Variants in HECTD4 observed in about 807,000 individuals in gnomAD.
HECTD4 encodes HECT domain E3 ubiquitin protein ligase 4.
In HECTD4, 114 loss-of-function variants were observed where a neutral mutation model predicts 471.5. The ratio of observed to expected loss-of-function variants is 0.24; its 90% CI spans 0.21 to 0.28. The LOEUF (loss-of-function observed/expected upper bound fraction) is 0.28. Ranked by LOEUF, HECTD4 falls within the 10% of genes least tolerant of loss-of-function variation. The pLI is 1.00. For missense variants in HECTD4, 3,866 were observed against 5,651.5 expected (o/e 0.68, Z 10.13); for synonymous variants, 2,012 against 2,256.0 (o/e 0.89, Z 3.07).
At chr12:112,200,844 T>C (rs767672917) in intron 54 of HECTD4, 46 bp from the exon 55 acceptor site, 49 of 1,585,912 alleles carry the variant, frequency 3.1e-5, no homozygotes, top group Non-Finnish European at 4.0e-5. Flanking sequence ...TTGCTTTTGT[T>C]TTCCATGTGT....
chr12:112,170,985 A>T, intron 68 of HECTD4, 132 bp downstream of exon 68: 1 of 677,158 alleles, frequency 1.5e-6, no homozygotes, highest in Non-Finnish European at 2.4e-6. Flanking sequence ...CCTGCCTGCT[A>T]CATGAAAGGT....
In HECTD4 at chr12:112,236,885, C is replaced by A. The variant is rs560351692; in HGVS notation, c.5444+60G>T. 6.3e-5 allele frequency: 90 copies of A among 1,425,490 alleles called. No homozygotes were observed. The South Asian group carries it at 1.4e-3, about 22-fold the overall frequency. 88.3% of individuals were successfully genotyped at this position (1,425,490 alleles called of 1,614,324 possible). A position where few individuals can be genotyped will look rare whatever the true frequency, so the allele number is the denominator to read the frequency against. ...AAAAGACAACCACCACCAAAAGAAA[C>A]CCCAATCGTTCAAGAGGAAAGCCAG... On this transcript the variant is annotated intron_variant, in intron 35 of 75. Coordinates refer to ENST00000682272, the MANE Select transcript of HECTD4 (RefSeq NM_001388303.1).
At chr12:112,268,720 C>G (rs990942146) in intron 13 of HECTD4, among the ~76,000 whole-genome samples, 2 of 150,356 alleles carry the variant, frequency 1.3e-5, no homozygotes, top group Admixed American at 6.6e-5. Flanking sequence ...CACACCACTG[C>G]ACTCGAGCCT....
Position 112,235,236 on chromosome 12 carries a change from G to A in HECTD4, c.5756C>T (p.Ser1919Phe), listed in dbSNP as rs1288634841. 3 of 1,613,952 alleles carry A rather than the reference G, an allele frequency of 1.9e-6. No homozygotes were observed. The highest frequency in any genetic ancestry group is 2.2e-5 in the East Asian group (1 of 44,884). ...TTTTGTCAATGTGGTGTCAGGTTCA[G>A]AAGCGGTTGGAGAAAGAACTGTCTG... is the stretch of plus-strand genomic sequence containing the variant. ...GCQTVLSPTA[S>F]EPDTTLTKTS... Residue 1919 changes from serine to phenylalanine, a missense_variant, in exon 37 of 76, where the codon TCT becomes TTT. Coordinates refer to ENST00000682272, the MANE Select transcript of HECTD4 (RefSeq NM_001388303.1). This position sits in a 1 kb window ranked among gnomAD's most constrained non-coding sequence, Gnocchi z 5.0.
chr12:112,217,297 GCATA>G, intron 45 of HECTD4, 102 bp from the exon 46 acceptor site: 1 of 698,602 alleles, frequency 1.4e-6, no homozygotes, highest in Non-Finnish European at 2.2e-6. Context: ...TAAAATATAG[GCATA>G]CACACACACA....
intron 9 of HECTD4, among the ~76,000 whole-genome samples, chr12:112,277,786 T>C (rs914224383): frequency 6.6e-6 from 1 of 152,216 alleles, no homozygotes; most frequent in African/African-American, 2.4e-5. Context: ...AAAATGATTC[T>C]ATATTTATAT....
Position 112,167,850 on chromosome 12 carries a change from C to A in HECTD4, c.12276G>T (p.Leu4092=). The A allele has an allele frequency of 6.2e-7, 1 of 1,613,696 alleles. No homozygotes were observed. The highest frequency in any genetic ancestry group is 8.5e-7 in the Non-Finnish European group (1 of 1,179,874). Residue 4092 remains leucine (L), a synonymous_variant, in exon 71 of 76, where the codon CTG becomes CTT. Coordinates refer to ENST00000682272, the MANE Select transcript of HECTD4 (RefSeq NM_001388303.1). ...TGACAGCTGAGCTGGGGCACAGCAG[C>A]AGCAGCGACAGCGAGGAACTCTGCA... is the stretch of plus-strand genomic sequence containing the variant. ...KELQSSSLSL[L]LLCPSSAVNK...
chr12:112,380,377 A>G (rs1291160026), intron 1 of HECTD4, among the ~76,000 whole-genome samples: 2 of 152,014 alleles, frequency 1.3e-5, no homozygotes, highest in Non-Finnish European at 2.9e-5. Context: ...TCCGGGAGGC[A>G]GAGGCTGCAG....
intron 1 of HECTD4, among the ~76,000 whole-genome samples, chr12:112,335,143 T>A (rs1473146003): frequency 6.8e-6 from 1 of 146,812 alleles, no homozygotes; most frequent in Non-Finnish European, 1.5e-5. Context: ...GAAACTGTGA[T>A]ACACACACAC....
At chr12:112,242,688 A>G (rs1018989087) in intron 32 of HECTD4, among the ~76,000 whole-genome samples, 5 of 151,744 alleles carry the variant, frequency 3.3e-5, no homozygotes, top group African/African-American at 1.2e-4. Context: ...AGGCAGGCAG[A>G]TCACCTGAGG....
chr12:112,303,947 A>G (rs1044859303), intron 7 of HECTD4, among the ~76,000 whole-genome samples: 1 of 152,082 alleles, frequency 6.6e-6, no homozygotes, highest in African/African-American at 2.4e-5. Flanking sequence ...AGCAAAAAAG[A>G]AAGAAAAATC....
chr12:112,290,099 T>C (rs377101961), intron 7 of HECTD4, among the ~76,000 whole-genome samples: 3 of 152,238 alleles, frequency 2.0e-5, no homozygotes, highest in South Asian at 2.1e-4. Context: ...GGCTGGTAGA[T>C]TGCTTGAGCT....
intron 10 of HECTD4, 106 bp from the exon 11 acceptor site, chr12:112,273,901 G>A (rs762295269): frequency 6.1e-5 from 80 of 1,311,476 alleles, no homozygotes; most frequent in Non-Finnish European, 8.2e-5. Flanking sequence ...GCTCTCTAAT[G>A]TTGACAACCC....
At chr12:112,224,057 A>C (rs1227323967) in intron 44 of HECTD4, among the ~76,000 whole-genome samples, 1 of 152,098 alleles carries the variant, frequency 6.6e-6, no homozygotes, top group Non-Finnish European at 1.5e-5. Context: ...CCTCACCTTG[A>C]ATCTTATTTA....
intron 1 of HECTD4, among the ~76,000 whole-genome samples, chr12:112,330,180 G>C (rs544892713): frequency 1.3e-5 from 2 of 151,982 alleles, no homozygotes; most frequent in South Asian, 2.1e-4. Flanking sequence ...GGGACGCTGA[G>C]GCAGGAGAAT....
chr12:112,227,852 G>C (rs1322033849), intron 43 of HECTD4, among the ~76,000 whole-genome samples: 3 of 152,114 alleles, frequency 2.0e-5, no homozygotes, highest in African/African-American at 4.8e-5. Context: ...CATTTCATTT[G>C]TATGCTAAAC....
intron 1 of HECTD4, among the ~76,000 whole-genome samples, chr12:112,327,027 G>A (rs960842734): frequency 6.6e-6 from 1 of 152,176 alleles, no homozygotes; most frequent in Non-Finnish European, 1.5e-5. Context: ...CAATCTCAAT[G>A]TATAAAAGGG....
Position 112,217,138 on chromosome 12 carries a change from A to G in HECTD4, c.7132T>C (p.Phe2378Leu). 1 of 1,584,726 alleles carries G rather than the reference A, an allele frequency of 6.3e-7. No homozygotes were observed. The highest frequency in any genetic ancestry group is 8.6e-7 in the Non-Finnish European group (1 of 1,165,582). Residue 2378 changes from phenylalanine (F) to leucine (L), a missense_variant, in exon 46 of 76, where the codon TTC becomes CTC. Phe to Leu is a conservative substitution (Grantham distance 22). Coordinates refer to ENST00000682272, the MANE Select transcript of HECTD4 (RefSeq NM_001388303.1). The stretch of plus-strand genomic sequence containing the variant: ...GTGACTGAGGTAAGGTGAGATGAGA[A>G]CATGCAGGCTCGAACAGGCGGAAAC... Reference protein sequence around the residue: ...RVFPPVRACMFSSHLTSVTFL... With the variant: ...RVFPPVRACMLSSHLTSVTFL...
chr12:112,235,891 G>A lies in HECTD4; in HGVS notation c.5445-107C>T, dbSNP rs546734223. 7 of 1,002,716 alleles carry A rather than the reference G, an allele frequency of 7.0e-6. No homozygotes were observed. The highest frequency in any genetic ancestry group is 2.7e-5 in the East Asian group (1 of 37,732). 62.1% of individuals were successfully genotyped at this position (1,002,716 alleles called of 1,614,324 possible). On this transcript the variant is annotated intron_variant, in intron 35 of 75. Coordinates refer to ENST00000682272, the MANE Select transcript of HECTD4 (RefSeq NM_001388303.1). The surrounding 1 kb of genome is among the most constrained non-coding windows in gnomAD (Gnocchi z 5.0). The stretch of plus-strand genomic sequence containing the variant: ...ACAAACCAATGAAATCTGATTTCAC[G>A]AGGAATCATGAATGTGGCACTATGC...
Sources: gnomAD v4.1 joint callset for allele counts (sites outside exome capture counted in the v4.1 genomes callset) on GRCh38, gnomAD v4.1.1 for gene constraint, Gnocchi (gnomAD v3.1) non-coding constraint, MANE v1.5 for transcripts, NCBI Gene and HGNC (gene_info 2026-07-23, HGNC 2026-07-21) for gene names.